The following NTRK3 variants were observed in gnomAD, a reference collection of about 807,000 sequenced individuals.
NTRK3 encodes NT-3 growth factor receptor.
In NTRK3, 24 loss-of-function variants were observed where a neutral mutation model predicts 91.7. That is an observed-to-expected ratio of 0.26 (90% CI 0.19 to 0.37). The LOEUF is 0.37. Ranked by LOEUF, NTRK3 falls within the 10% of genes least tolerant of loss-of-function variation. The pLI, the probability that NTRK3 is intolerant of heterozygous loss-of-function variation, is 1.00. For synonymous variants in NTRK3, 483 were observed against 404.0 expected (o/e 1.20, Z -2.34); for missense variants, 880 against 1,068.9 (o/e 0.82, Z 2.46).
chr15:88,030,466 T>A (rs2078425286), intron 14 of NTRK3, among the ~76,000 whole-genome samples: 1 of 152,136 alleles, frequency 6.6e-6, no homozygotes, highest in South Asian at 2.1e-4. Flanking sequence ...CAGAGAGTCA[T>A]CCCATCTGGC....
chr15:88,118,087 T>C (rs1439125585), intron 13 of NTRK3, among the ~76,000 whole-genome samples: 2 of 152,208 alleles, frequency 1.3e-5, no homozygotes, highest in African/African-American at 2.4e-5. Context: ...TGGCTGCTGT[T>C]TTCAGCATGT....
chr15:88,101,992 G>T (rs958370501), intron 13 of NTRK3, among the ~76,000 whole-genome samples: 2 of 151,906 alleles, frequency 1.3e-5, no homozygotes, highest in Non-Finnish European at 2.9e-5. Context: ...TTGTACACAT[G>T]TACCCTAAAA....
intron 5 of NTRK3, among the ~76,000 whole-genome samples, chr15:88,175,647 GAAT>G (rs1192526026): frequency 5.3e-5 from 8 of 151,982 alleles, no homozygotes; most frequent in African/African-American, 1.9e-4. Context: ...ATTTTCTAAA[GAAT>G]AATAACAGCA....
intron 3 of NTRK3, among the ~76,000 whole-genome samples, chr15:88,239,946 C>A (rs940574171): frequency 2.6e-5 from 4 of 152,104 alleles, no homozygotes; most frequent in Admixed American, 6.5e-5. Flanking sequence ...TGGGGCCCAG[C>A]GGTCGGTGTT....
intron 3 of NTRK3, among the ~76,000 whole-genome samples, chr15:88,236,543 TA>T (rs2051768094): frequency 9.5e-6 from 1 of 105,232 alleles, no homozygotes; most frequent in African/African-American, 3.7e-5. Context: ...AAAAAAATTG[TA>T]AAAAAGAAAA....
chr15:88,027,906 G>C (rs2141965464), intron 14 of NTRK3, among the ~76,000 whole-genome samples: 1 of 152,302 alleles, frequency 6.6e-6, no homozygotes, highest in East Asian at 1.9e-4. Context: ...GCATGGCACT[G>C]ACTAAGCTAT....
At chr15:87,970,991 A>G (rs910773008) in intron 14 of NTRK3, among the ~76,000 whole-genome samples, 3 of 152,194 alleles carry the variant, frequency 2.0e-5, no homozygotes, top group African/African-American at 7.2e-5. Flanking sequence ...CAGTGGGGTT[A>G]TTCTGGTCTT....
chr15:88,097,978 T>C (rs2049793111), intron 13 of NTRK3, among the ~76,000 whole-genome samples: 1 of 152,206 alleles, frequency 6.6e-6, no homozygotes, highest in South Asian at 2.1e-4. Context: ...CTTTAAAAAA[T>C]GTGAACTGCT....
At chr15:88,050,537 A>G (rs967781444) in intron 13 of NTRK3, among the ~76,000 whole-genome samples, 1 of 151,854 alleles carries the variant, frequency 6.6e-6, no homozygotes, top group Admixed American at 6.6e-5. Context: ...GTGTTTGTAT[A>G]GAAAGCATAG....
intron 14 of NTRK3, among the ~76,000 whole-genome samples, chr15:87,962,743 G>A (rs916919076): frequency 1.3e-4 from 20 of 152,118 alleles, no homozygotes; most frequent in African/African-American, 4.3e-4. Context: ...TTCCAAGGAC[G>A]CCGCCTGCTT....
chr15:88,054,938 A>G (rs1032884231), intron 13 of NTRK3, among the ~76,000 whole-genome samples: 1 of 152,146 alleles, frequency 6.6e-6, no homozygotes, highest in African/African-American at 2.4e-5. Context: ...TGAGGCTGAG[A>G]GAGATGTAGA....
intron 13 of NTRK3, among the ~76,000 whole-genome samples, chr15:88,120,371 T>C (rs2052568989): frequency 6.6e-6 from 1 of 152,216 alleles, no homozygotes; most frequent in Non-Finnish European, 1.5e-5. Context: ...ACCTATTAAC[T>C]AACGCTAATT....
chr15:88,111,565 A>C (rs935903388), intron 13 of NTRK3, among the ~76,000 whole-genome samples: 7 of 152,168 alleles, frequency 4.6e-5, no homozygotes, highest in South Asian at 2.1e-4. Context: ...TAATCTGTCA[A>C]GGGCTTTCTG....
chr15:88,034,039 T>C (rs2078846972), intron 13 of NTRK3, among the ~76,000 whole-genome samples: 1 of 152,100 alleles, frequency 6.6e-6, no homozygotes, highest in African/African-American at 2.4e-5. Context: ...ATCAAGAAAC[T>C]CTGATGAGTG....
At chr15:87,903,820 CA>C (rs1244672750) in intron 17 of NTRK3, among the ~76,000 whole-genome samples, 5 of 152,190 alleles carry the variant, frequency 3.3e-5, no homozygotes, top group Non-Finnish European at 7.3e-5. Context: ...AACCACATTC[CA>C]CAATTTCAAA....
chr15:88,189,903 G>A (rs2047251541), intron 3 of NTRK3, among the ~76,000 whole-genome samples: 1 of 152,148 alleles, frequency 6.6e-6, no homozygotes, highest in Non-Finnish European at 1.5e-5. Flanking sequence ...ATGTTTAAGA[G>A]TTGTTTCTAC....
At chr15:88,216,801 C>T (rs2049813095) in intron 3 of NTRK3, among the ~76,000 whole-genome samples, 1 of 152,190 alleles carries the variant, frequency 6.6e-6, no homozygotes, top group Admixed American at 6.5e-5. Context: ...TTATTATCCA[C>T]CCTTCTCTTG....
intron 17 of NTRK3, among the ~76,000 whole-genome samples, chr15:87,889,002 T>G (rs2065705451): frequency 6.6e-6 from 1 of 152,082 alleles, no homozygotes; most frequent in Admixed American, 6.6e-5. Context: ...CAGAAAAACT[T>G]TCTTCTCTCT....
chr15:87,904,252 G>C (rs1004916507), intron 17 of NTRK3, among the ~76,000 whole-genome samples: 11 of 151,514 alleles, frequency 7.3e-5, no homozygotes, highest in African/African-American at 2.7e-4. Context: ...CGGGGTTCAA[G>C]TGCTTCTCCT....
Sources: gnomAD v4.1 joint callset for allele counts (sites outside exome capture counted in the v4.1 genomes callset) on GRCh38, gnomAD v4.1.1 for gene constraint, MANE v1.5 for transcripts, NCBI Gene and HGNC (gene_info 2026-07-23, HGNC 2026-07-21) for gene names.